PTPRE: variants seen among roughly 807,000 people sequenced by gnomAD.
PTPRE encodes protein tyrosine phosphatase receptor type E.
In PTPRE, 51 loss-of-function variants were observed where a neutral mutation model predicts 102.0. That is an observed-to-expected ratio of 0.50 (90% CI 0.40 to 0.63). PTPRE has a LOEUF of 0.63. PTPRE is among the 30% of genes least tolerant of loss of function. The pLI, the probability that PTPRE is intolerant of heterozygous loss-of-function variation, is 0.00. For synonymous variants in PTPRE, 345 were observed against 348.2 expected, an observed-to-expected ratio of 0.99 and a Z score of 0.10; for missense variants, 752 against 915.1, an observed-to-expected ratio of 0.82 and a Z score of 2.30.
In PTPRE at chr10:127,968,009, GGTGTGT is replaced by G. The variant is rs142445895; in HGVS notation, c.-30-14232_-30-14227del. On this transcript the variant is annotated intron_variant, in intron 1 of 20. Coordinates refer to ENST00000254667, the MANE Select transcript of PTPRE (RefSeq NM_006504.6). ...TGAATGCCTCCCAGGTTGCTCTATA[GGTGTGT>G]GTGTGTGTGTGTGTGTGTGTGTGTG... is the stretch of plus-strand genomic sequence containing the variant. Among the ~76,000 whole-genome samples the G allele has an allele frequency of 4.5e-3, 647 of 143,216 alleles. 2 individuals are homozygous for G. The highest frequency in any genetic ancestry group is 0.014 in the South Asian group (60 of 4,300). The allele number at this position is 143,216 out of a possible 152,430, so 94.0% of individuals were successfully genotyped here. A position where few individuals can be genotyped will look rare whatever the true frequency, so the allele number is the denominator to read the frequency against.
chr10:127,944,478 G>GGATC lies in PTPRE; in HGVS notation c.-31+37172_-31+37173insCGAT, dbSNP rs1199341358. ...TGGATACATGGACAGACGGATGGAT[G>GGATC]GATGGATGGATGGATGGATGGATGG... On this transcript the variant is annotated intron_variant, in intron 1 of 20. Transcript: ENST00000254667. The surrounding 1 kb of genome is among the most constrained non-coding windows in gnomAD (Gnocchi z 4.2). 2.1e-4 allele frequency among the ~76,000 whole-genome samples: 17 copies of GGATC among 81,444 alleles called. No individual in the cohort carries two copies. Among genetic ancestry groups the GGATC allele is most frequent in the African/African-American group, 7.0e-4 (16 of 22,818 alleles). 53.4% of individuals were successfully genotyped at this position (81,444 alleles called of 152,430 possible).
rs1440878087 is a variant in PTPRE, at chr10:127,907,464, G to T, written c.-31+155G>T. Among the ~76,000 whole-genome samples the T allele has an allele frequency of 6.6e-6, 1 of 151,608 alleles. No individual in the cohort carries two copies. Among genetic ancestry groups the T allele is most frequent in the Non-Finnish European group, 1.5e-5 (1 of 67,836 alleles). On this transcript the variant is annotated intron_variant, in intron 1 of 20. Transcript: ENST00000254667. This position sits in a 1 kb window ranked among gnomAD's most constrained non-coding sequence, Gnocchi z 4.8. ...CGGACCCCGGCCCCGCCGCCCCCGC[G>T]GCGCGCCCAGTACCAGCGGCTGGGG...
rs374432790 is a variant in PTPRE, at chr10:128,055,055, T to A, written c.421-1068T>A. Among the ~76,000 whole-genome samples, 28 of 152,278 alleles carry A rather than the reference T, an allele frequency of 1.8e-4. 2 individuals carry two copies. The South Asian group carries it at 5.8e-3, about 32-fold the overall frequency. On this transcript the variant is annotated intron_variant, in intron 6 of 20. Coordinates refer to ENST00000254667, the MANE Select transcript of PTPRE (RefSeq NM_006504.6). ...CGGGGACCATCCTAGTATCACCTAA[T>A]GATAGGTGAGTTGCAAAGGCTGGGG...
intron 2 of PTPRE, among the ~76,000 whole-genome samples, chr10:128,015,533 A>G (rs140294127): frequency 0.025 from 3,851 of 152,034 alleles, 80 homozygotes; most frequent in African/African-American, 0.051. Flanking sequence ...CACCTAGCTA[A>G]TTTTTTGTAT....
At chr10:128,032,492 G>A (rs529905880) in intron 2 of PTPRE, among the ~76,000 whole-genome samples, 37 of 152,220 alleles carry the variant, frequency 2.4e-4, no homozygotes, top group African/African-American at 6.3e-4. Flanking sequence ...GACAGCCACC[G>A]TCTTCTCTCT....
chr10:127,939,663 G>A (rs766990775), intron 1 of PTPRE, among the ~76,000 whole-genome samples: 4 of 152,350 alleles, frequency 2.6e-5, no homozygotes, highest in East Asian at 1.9e-4. Context: ...CAAGGCTTCC[G>A]GGTAGGGCTT....
chr10:128,002,552 G>T (rs1180680501), intron 2 of PTPRE, among the ~76,000 whole-genome samples: 4 of 152,124 alleles, frequency 2.6e-5, no homozygotes, highest in Admixed American at 6.5e-5. Flanking sequence ...GAAGGGCCAG[G>T]GCCTGCTCCT....
At chr10:128,003,627 C>T (rs1004978245) in intron 2 of PTPRE, among the ~76,000 whole-genome samples, 1 of 152,138 alleles carries the variant, frequency 6.6e-6, no homozygotes, top group Non-Finnish European at 1.5e-5. Context: ...TGGCAGTTCA[C>T]GCGCGGACAT....
Position 128,083,943 on chromosome 10 carries a change from T to A in PTPRE, c.*1037T>A, listed in dbSNP as rs777238314. ...TATTTAAACATTTCTTGTAAAAAGC[T>A]GAGACAGTTTGTAAGAAAAGAATCC... On this transcript the variant is annotated 3_prime_UTR_variant, in exon 21 of 21. Transcript: ENST00000254667. 7 of 152,226 alleles carry A rather than the reference T, an allele frequency of 4.6e-5. No homozygotes were observed. Among genetic ancestry groups the A allele is most frequent in the Admixed American group, 2.0e-4 (3 of 15,286 alleles). 9.4% of individuals were successfully genotyped at this position (152,226 alleles called of 1,614,324 possible).
In PTPRE at chr10:127,986,984, C is replaced by G. The variant is rs1032401230; in HGVS notation, c.-8+4688C>G. On this transcript the variant is annotated intron_variant, in intron 2 of 20. Transcript: ENST00000254667. ...ACCAATGGATTCCACGGGTTTCTAT[C>G]CAAGCCACAGCGACAAATTATTCTC... Among the ~76,000 whole-genome samples the G allele has an allele frequency of 2.6e-5, 4 of 152,308 alleles. No homozygotes were observed. In the East Asian group the frequency reaches 7.7e-4, roughly 29 times the overall value.
intron 2 of PTPRE, among the ~76,000 whole-genome samples, chr10:128,024,172 A>T (rs1846129411): frequency 6.6e-6 from 1 of 152,204 alleles, no homozygotes; most frequent in Non-Finnish European, 1.5e-5. Flanking sequence ...AAGAGTTATC[A>T]CTTTAAGGCT....
At chr10:128,007,007 G>A (rs972303077) in intron 2 of PTPRE, among the ~76,000 whole-genome samples, 1 of 152,158 alleles carries the variant, frequency 6.6e-6, no homozygotes, top group Non-Finnish European at 1.5e-5. Context: ...AAGCACAATT[G>A]AATAAACTCA....
At chr10:128,009,624 G>A (rs968383942) in intron 2 of PTPRE, among the ~76,000 whole-genome samples, 8 of 152,174 alleles carry the variant, frequency 5.3e-5, no homozygotes, top group African/African-American at 1.4e-4. Flanking sequence ...CACGGCTGGT[G>A]GACTGGAGCT....
intron 2 of PTPRE, among the ~76,000 whole-genome samples, chr10:128,031,255 A>T (rs1846730589): frequency 6.6e-6 from 1 of 152,208 alleles, no homozygotes; most frequent in Non-Finnish European, 1.5e-5. Flanking sequence ...TCACTTTTGG[A>T]GGTCTGATCC....
intron 1 of PTPRE, among the ~76,000 whole-genome samples, chr10:127,947,378 A>G (rs948955563): frequency 2.0e-5 from 3 of 152,194 alleles, no homozygotes; most frequent in African/African-American, 7.2e-5. Context: ...TGTCTTCTTC[A>G]ACTGTTAGGA....
chr10:127,909,882 GTCCA>G lies in PTPRE; in HGVS notation c.-31+2578_-31+2581del, dbSNP rs1845751065. Among the ~76,000 whole-genome samples the G allele has an allele frequency of 8.5e-5, 13 of 152,302 alleles. 1 individual carries two copies. In the South Asian group the frequency reaches 2.5e-3, roughly 29 times the overall value. Reference sequence around the variant, plus strand: ...ATTTTTGCCGATGTGGATGGGCATGGTCCATCCAGGGCTCATGTGGCCAGCCCTT... The same window carrying G: ...ATTTTTGCCGATGTGGATGGGCATGGTCCAGGGCTCATGTGGCCAGCCCTT... On this transcript the variant is annotated intron_variant, in intron 1 of 20. Transcript: ENST00000254667.
intron 2 of PTPRE, among the ~76,000 whole-genome samples, chr10:128,020,074 G>A (rs966624743): frequency 2.6e-5 from 4 of 152,150 alleles, no homozygotes; most frequent in African/African-American, 9.7e-5. Flanking sequence ...GTGTGTGTGT[G>A]TGCGTGCACA....
chr10:127,981,654 C>T (rs778665995), intron 1 of PTPRE, among the ~76,000 whole-genome samples: 5 of 151,952 alleles, frequency 3.3e-5, no homozygotes, highest in Non-Finnish European at 7.4e-5. Flanking sequence ...CCTGTCTCTA[C>T]TAAAAATATA....
chr10:128,002,976 G>A (rs1854122136), intron 2 of PTPRE, among the ~76,000 whole-genome samples: 2 of 152,186 alleles, frequency 1.3e-5, no homozygotes, highest in Non-Finnish European at 2.9e-5. Context: ...TTACAGGCAT[G>A]AGCCACTGTG....
Sources: gnomAD v4.1 joint callset for allele counts (sites outside exome capture counted in the v4.1 genomes callset) on GRCh38, gnomAD v4.1.1 for gene constraint, Gnocchi (gnomAD v3.1) non-coding constraint, MANE v1.5 for transcripts, NCBI Gene and HGNC (gene_info 2026-07-23, HGNC 2026-07-21) for gene names.